The following SEPTIN9 variants were observed in gnomAD, a reference collection of about 807,000 sequenced individuals.
The protein encoded by SEPTIN9 is septin-9.
SEPTIN9 carries 13 observed loss-of-function variants against 56.6 expected under a neutral mutation model. The ratio of observed to expected loss-of-function variants is 0.23; its 90% CI spans 0.15 to 0.37. The LOEUF (loss-of-function observed/expected upper bound fraction) is 0.37, where lower values mean the gene tolerates loss of function less well. Ranked by LOEUF, SEPTIN9 falls within the 10% of genes least tolerant of loss-of-function variation. The probability of loss-of-function intolerance (pLI) is 1.00; values close to 1 mark genes in which losing one functional copy is unlikely to be tolerated. For synonymous variants in SEPTIN9, 332 were observed against 334.1 expected, an observed-to-expected ratio of 0.99 and a Z score of 0.07; for missense variants, 650 against 823.1, an observed-to-expected ratio of 0.79 and a Z score of 2.57.
At chr17:77,486,687 G>C (rs1048654036) in intron 4 of SEPTIN9, among the ~76,000 whole-genome samples, 1 of 152,064 alleles carries the variant, frequency 6.6e-6, no homozygotes, top group Non-Finnish European at 1.5e-5. Context: ...TATGTGAGTT[G>C]TGTGTGTTGT....
intron 10 of SEPTIN9, among the ~76,000 whole-genome samples, chr17:77,493,695 A>G (rs1449299301): frequency 6.6e-6 from 1 of 150,942 alleles, no homozygotes; most frequent in Non-Finnish European, 1.5e-5. Context: ...TAAAGGCATC[A>G]CATGCTCTAA....
intron 1 of SEPTIN9, among the ~76,000 whole-genome samples, chr17:77,295,356 C>T (rs2031763422): frequency 6.6e-6 from 1 of 152,062 alleles, no homozygotes; most frequent in Non-Finnish European, 1.5e-5. Flanking sequence ...AGTCCTGTGA[C>T]CAGAGTCCAG....
In SEPTIN9 at chr17:77,488,711, C is replaced by G; in HGVS notation, c.1125-16C>G. On this transcript the variant is annotated splice_polypyrimidine_tract_variant and intron_variant, in intron 6 of 11. Coordinates refer to ENST00000427177, the MANE Select transcript of SEPTIN9 (RefSeq NM_001113491.2). ...CATCTCATGTGCCTGCTGACTCGTCCCCATCCCCCACGCAGCTGGCAGCCC... is the reference window on the plus strand; with the variant it reads ...CATCTCATGTGCCTGCTGACTCGTCGCCATCCCCCACGCAGCTGGCAGCCC... 1.2e-6 allele frequency: 2 copies of G among 1,613,474 alleles called. No individual in the cohort carries two copies. Among genetic ancestry groups the G allele is most frequent in the Non-Finnish European group, 1.7e-6 (2 of 1,179,856 alleles).
chr17:77,470,051 TCATCCACC>T (rs1263986304), intron 3 of SEPTIN9, among the ~76,000 whole-genome samples: 1 of 138,304 alleles, frequency 7.2e-6, no homozygotes, highest in Non-Finnish European at 1.6e-5. Context: ...ACTCATTCAC[TCATCCACC>T]CATCCACTCA....
chr17:77,339,002 T>G (rs1328042390), intron 2 of SEPTIN9, among the ~76,000 whole-genome samples: 1 of 152,246 alleles, frequency 6.6e-6, no homozygotes, highest in Non-Finnish European at 1.5e-5. Context: ...ACTCCTCATC[T>G]GTTCAAGTTT....
At chr17:77,383,439 G>A (rs1202842889) in intron 2 of SEPTIN9, among the ~76,000 whole-genome samples, 1 of 151,848 alleles carries the variant, frequency 6.6e-6, no homozygotes, top group East Asian at 2.0e-4. Context: ...AGGCCGGCCC[G>A]GGTCCTCCCA....
intron 2 of SEPTIN9, among the ~76,000 whole-genome samples, chr17:77,401,720 C>CAA (rs139887327): frequency 2.0e-3 from 293 of 143,416 alleles, no homozygotes; most frequent in Admixed American, 3.3e-3. Flanking sequence ...GACTCCATCT[C>CAA]AAAAAAAAAA....
intron 1 of SEPTIN9, among the ~76,000 whole-genome samples, chr17:77,297,804 A>AT (rs1160650799): frequency 2.0e-5 from 3 of 152,240 alleles, no homozygotes; most frequent in African/African-American, 2.4e-5. Flanking sequence ...AACTATCAAA[A>AT]TAGGACTAAG....
rs1396140135 is a variant in SEPTIN9 at position 77,492,786 on chromosome 17, T to C, written c.1476+70T>C. On this transcript the variant is annotated intron_variant, in intron 9 of 11. Coordinates refer to ENST00000427177, the MANE Select transcript of SEPTIN9 (RefSeq NM_001113491.2). This position sits in a 1 kb window ranked among gnomAD's most constrained non-coding sequence, Gnocchi z 5.4. ...CCTGCTGAAGGGTGGGTTGGGGGTTTGGAGGACCTTAAGCCATGAAATTAT... is the reference window on the plus strand; with the variant it reads ...CCTGCTGAAGGGTGGGTTGGGGGTTCGGAGGACCTTAAGCCATGAAATTAT... 7.1e-7 allele frequency: 1 copy of C among 1,414,858 alleles called. No homozygotes were observed. Among genetic ancestry groups the C allele is most frequent in the Non-Finnish European group, 1.0e-6 (1 of 998,636 alleles). The allele number at this position is 1,414,858 out of a possible 1,614,324, so 87.6% of individuals were successfully genotyped here.
chr17:77,394,350 T>G (rs1264443523), intron 2 of SEPTIN9, among the ~76,000 whole-genome samples: 5 of 152,212 alleles, frequency 3.3e-5, no homozygotes, highest in Admixed American at 3.3e-4. Flanking sequence ...GGCTTTTTCC[T>G]GCAGGCTCAG....
At chr17:77,343,226 T>C (rs2033793705) in intron 2 of SEPTIN9, among the ~76,000 whole-genome samples, 2 of 152,212 alleles carry the variant, frequency 1.3e-5, no homozygotes, top group South Asian at 4.1e-4. Context: ...ACTTGCAGCC[T>C]TTCCCATCCA....
chr17:77,364,256 G>C (rs531371727), intron 2 of SEPTIN9, among the ~76,000 whole-genome samples: 100 of 152,384 alleles, frequency 6.6e-4, no homozygotes, highest in African/African-American at 2.3e-3. Flanking sequence ...CCAAGAGCGC[G>C]AGCCGAGGCT....
chr17:77,366,060 G>A (rs756544175), intron 2 of SEPTIN9, among the ~76,000 whole-genome samples: 3 of 152,122 alleles, frequency 2.0e-5, no homozygotes, highest in Non-Finnish European at 4.4e-5. Flanking sequence ...TGGCTGGCAT[G>A]AGTTCTAGCC....
chr17:77,282,866 G>T (rs28361557), intron 1 of SEPTIN9, among the ~76,000 whole-genome samples: 3 of 152,272 alleles, frequency 2.0e-5, no homozygotes, highest in Admixed American at 2.0e-4. Flanking sequence ...TGTGGGGATC[G>T]CGCGGTGCAT....
At chr17:77,309,502 T>G (rs933494667) in intron 2 of SEPTIN9, among the ~76,000 whole-genome samples, 1 of 152,124 alleles carries the variant, frequency 6.6e-6, no homozygotes, top group Non-Finnish European at 1.5e-5. Flanking sequence ...CCCCAGCATC[T>G]CCGGCCTCCC....
chr17:77,335,122 A>G (rs747628089), intron 2 of SEPTIN9, among the ~76,000 whole-genome samples: 2 of 151,188 alleles, frequency 1.3e-5, no homozygotes, highest in East Asian at 1.9e-4. Context: ...CTGTATTAGT[A>G]TATGTACATA....
intron 3 of SEPTIN9, among the ~76,000 whole-genome samples, chr17:77,464,659 GGC>G (rs1236202027): frequency 1.3e-5 from 2 of 150,716 alleles, no homozygotes; most frequent in African/African-American, 4.9e-5. Context: ...GGAGTGCAGT[GGC>G]GCGATCTTGG....
intron 3 of SEPTIN9, among the ~76,000 whole-genome samples, chr17:77,477,706 A>G (rs1340950606): frequency 6.6e-6 from 1 of 152,100 alleles, no homozygotes; most frequent in African/African-American, 2.4e-5. Flanking sequence ...CAGGCTGGAG[A>G]GACTTGCAAA....
chr17:77,293,913 G>A lies in SEPTIN9; in HGVS notation c.19+12359G>A, dbSNP rs114371156. Among the ~76,000 whole-genome samples, 543 of 152,138 alleles carry A rather than the reference G, an allele frequency of 3.6e-3. 11 individuals are homozygous for A. The highest frequency in any genetic ancestry group is 0.012 in the African/African-American group (516 of 41,506). On this transcript the variant is annotated intron_variant, in intron 1 of 11. Coordinates refer to ENST00000427177, the MANE Select transcript of SEPTIN9 (RefSeq NM_001113491.2). ...GAGGCCAGGAGTTCAAGACCGGTCCGGGCAGCGTGGCGAAACCCCGTCTCT... is the reference window on the plus strand; with the variant it reads ...GAGGCCAGGAGTTCAAGACCGGTCCAGGCAGCGTGGCGAAACCCCGTCTCT...
Sources: gnomAD v4.1 joint callset for allele counts (sites outside exome capture counted in the v4.1 genomes callset) on GRCh38, gnomAD v4.1.1 for gene constraint, Gnocchi (gnomAD v3.1) non-coding constraint, MANE v1.5 for transcripts, NCBI Gene and HGNC (gene_info 2026-07-23, HGNC 2026-07-21) for gene names.